SLC36A1: variants seen among roughly 807,000 people sequenced by gnomAD.
SLC36A1 encodes the protein solute carrier family 36 member 1, also known as proton-coupled amino acid transporter 1.
In SLC36A1, 30 loss-of-function variants were observed where a neutral mutation model predicts 47.5. The observed-to-expected ratio is 0.63, with a 90% CI of 0.47 to 0.86. SLC36A1 has a LOEUF of 0.86. Ranked by LOEUF, SLC36A1 falls within the 40% of genes least tolerant of loss-of-function variation. SLC36A1 has a pLI of 0.00. For synonymous variants in SLC36A1, 255 were observed against 249.7 expected (o/e 1.02, Z -0.20); for missense variants, 517 against 606.0 (o/e 0.85, Z 1.54).
the SLC36A1 span, among the ~76,000 whole-genome samples, chr5:151,363,249 A>G: frequency 6.6e-6 from 1 of 152,202 alleles, no homozygotes; most frequent in Non-Finnish European, 1.5e-5. Context: ...CTAGGAGTTC[A>G]TGCCCAGGGG....
chr5:151,516,257 C>G, the SLC36A1 span, among the ~76,000 whole-genome samples: 1 of 152,198 alleles, frequency 6.6e-6, no homozygotes, highest in Non-Finnish European at 1.5e-5. Flanking sequence ...TGCCTATAAT[C>G]CCAGCACTTT....
intron 10 of SLC36A1, among the ~76,000 whole-genome samples, chr5:151,487,550 A>G (rs1759737637): frequency 1.3e-5 from 2 of 152,138 alleles, no homozygotes; most frequent in African/African-American, 4.8e-5. Flanking sequence ...GTTTCTTGTC[A>G]GTCAGGTAGA....
the SLC36A1 span, among the ~76,000 whole-genome samples, chr5:151,530,538 G>A: frequency 7.2e-5 from 11 of 152,232 alleles, no homozygotes; most frequent in African/African-American, 2.7e-4. Context: ...AAATGTTAGA[G>A]ATTAAAGGAC....
intron 1 of SLC36A1, among the ~76,000 whole-genome samples, chr5:151,437,471 G>A (rs918692667): frequency 1.3e-5 from 2 of 152,032 alleles, no homozygotes; most frequent in Admixed American, 1.3e-4. Context: ...TGGTTTGATT[G>A]CTTCTTAGTC....
chr5:151,360,326 T>C, the SLC36A1 span, among the ~76,000 whole-genome samples: 2 of 152,338 alleles, frequency 1.3e-5, no homozygotes, highest in African/African-American at 4.8e-5. Context: ...GTTATATGTA[T>C]TATATATGCT....
chr5:151,542,897 G>C, the SLC36A1 span: 1 of 1,614,118 alleles, frequency 6.2e-7, no homozygotes, highest in Non-Finnish European at 8.5e-7. Context: ...CCTGTGTCTG[G>C]GTCTAGGGAG....
chr5:151,450,069 GA>G (rs1753402482), intron 1 of SLC36A1, among the ~76,000 whole-genome samples: 9 of 152,148 alleles, frequency 5.9e-5, no homozygotes, highest in Admixed American at 3.9e-4. Flanking sequence ...GAATGGAGCC[GA>G]TGTCCACTTA....
At chr5:151,554,690 G>C in the SLC36A1 span, 2 of 1,596,542 alleles carry the variant, frequency 1.3e-6, no homozygotes, top group Admixed American at 1.7e-5. Context: ...GCAGAATTGA[G>C]CATGAGCACC....
the SLC36A1 span, among the ~76,000 whole-genome samples, chr5:151,421,515 T>A: frequency 6.6e-6 from 1 of 151,856 alleles, no homozygotes; most frequent in Non-Finnish European, 1.5e-5. Flanking sequence ...GTGCTGGGAA[T>A]ACAGACATGA....
At chr5:151,527,458 C>A in the SLC36A1 span, 2 of 1,363,890 alleles carry the variant, frequency 1.5e-6, no homozygotes, top group African/African-American at 1.5e-5. Flanking sequence ...CTAATATTTT[C>A]AAAAAAAATA....
the SLC36A1 span, among the ~76,000 whole-genome samples, chr5:151,408,012 C>T: frequency 6.6e-6 from 1 of 152,230 alleles, no homozygotes. Flanking sequence ...CTTCTCGCCA[C>T]AACCCTACAA....
downstream of SLC36A1, among the ~76,000 whole-genome samples, chr5:151,494,239 G>T (rs1760277397): frequency 6.6e-6 from 1 of 152,174 alleles, no homozygotes; most frequent in African/African-American, 2.4e-5. Context: ...GAGGAACTAT[G>T]TGTGTCTTTA....
At chr5:151,487,383 G>A (rs951559697) in intron 10 of SLC36A1, among the ~76,000 whole-genome samples, 1 of 152,014 alleles carries the variant, frequency 6.6e-6, no homozygotes, top group African/African-American at 2.4e-5. Context: ...GTGAGAGCCA[G>A]TGGGTGTCCT....
chr5:151,417,239 G>T, the SLC36A1 span, among the ~76,000 whole-genome samples: 331 of 152,318 alleles, frequency 2.2e-3, 1 homozygote, highest in African/African-American at 7.7e-3. Flanking sequence ...GGAACAGTTT[G>T]GAGGGCTCAG....
chr5:151,480,787 G>T (rs192331778), intron 10 of SLC36A1, among the ~76,000 whole-genome samples: 138 of 152,290 alleles, frequency 9.1e-4, no homozygotes, highest in African/African-American at 3.0e-3. Context: ...CAGCTTTCAC[G>T]TGTATGGTAT....
At chr5:151,457,416 C>T (rs1243814595) in intron 1 of SLC36A1, among the ~76,000 whole-genome samples, 2 of 152,072 alleles carry the variant, frequency 1.3e-5, no homozygotes, top group Non-Finnish European at 2.9e-5. Flanking sequence ...CCTTGCTCTT[C>T]TCTTTTGTGT....
intron 1 of SLC36A1, among the ~76,000 whole-genome samples, chr5:151,458,331 T>TAC (rs1554110018): frequency 5.2e-5 from 5 of 96,060 alleles, no homozygotes; most frequent in African/African-American, 1.9e-4. Flanking sequence ...TATATATATA[T>TAC]ATGGGATATT....
chr5:151,529,859 G>A, the SLC36A1 span, among the ~76,000 whole-genome samples: 1 of 152,130 alleles, frequency 6.6e-6, no homozygotes, highest in African/African-American at 2.4e-5. Context: ...CAAATTGTTA[G>A]GGCATAGGTT....
At chr5:151,349,875 T>G in the SLC36A1 span, among the ~76,000 whole-genome samples, 1 of 104,136 alleles carries the variant, frequency 9.6e-6, no homozygotes, top group Non-Finnish European at 2.5e-5. Flanking sequence ...TGCCATGTTA[T>G]TTTTGCCAAG....
Sources: allele counts gnomAD v4.1 joint callset (sites outside exome capture counted in the v4.1 genomes callset), GRCh38; gene constraint gnomAD v4.1.1; transcripts MANE v1.5; gene names NCBI Gene and HGNC (gene_info 2026-07-23, HGNC 2026-07-21).